GRK3: variants seen among roughly 807,000 people sequenced by gnomAD.
GRK3 encodes adrenergic, beta, receptor kinase 2.
A neutral mutation model predicts 95.7 loss-of-function variants in GRK3; 54 were observed. The ratio of observed to expected loss-of-function variants is 0.56; its 90% CI spans 0.45 to 0.71. The LOEUF (loss-of-function observed/expected upper bound fraction) is 0.71, where lower values mean the gene tolerates loss of function less well. Ranked by LOEUF, GRK3 falls within the 30% of genes least tolerant of loss-of-function variation. The probability of loss-of-function intolerance (pLI) is 0.00; values close to 1 mark genes in which losing one functional copy is unlikely to be tolerated. For synonymous variants in GRK3, 281 were observed against 290.8 expected, an observed-to-expected ratio of 0.97 and a Z score of 0.34; for missense variants, 649 against 851.2, an observed-to-expected ratio of 0.76 and a Z score of 2.96.
chr22:25,577,940 ATAT>A (rs1459096636), intron 1 of GRK3, among the ~76,000 whole-genome samples: 18 of 152,238 alleles, frequency 1.2e-4, no homozygotes, highest in Admixed American at 2.6e-4. Flanking sequence ...GTTAAGAGTA[ATAT>A]TATTTTTAGT....
chr22:25,585,117 G>C (rs1346631701), intron 1 of GRK3, among the ~76,000 whole-genome samples: 1 of 150,190 alleles, frequency 6.7e-6, no homozygotes, highest in Non-Finnish European at 1.5e-5. Context: ...TCCTGGGCTT[G>C]TAGAACAGCT....
At chr22:25,710,696 C>T (rs2085337003) in intron 16 of GRK3, among the ~76,000 whole-genome samples, 1 of 152,196 alleles carries the variant, frequency 6.6e-6, no homozygotes, top group Admixed American at 6.5e-5. Context: ...CTGCTCCCTC[C>T]AGGCCCCATT....
intron 2 of GRK3, among the ~76,000 whole-genome samples, chr22:25,610,782 A>G (rs2084490790): frequency 6.6e-6 from 1 of 152,184 alleles, no homozygotes; most frequent in African/African-American, 2.4e-5. Context: ...TCTGAAGTTA[A>G]TCCATGTCGT....
chr22:25,590,373 C>T (rs111779059), intron 1 of GRK3, among the ~76,000 whole-genome samples: 3,588 of 151,830 alleles, frequency 0.024, 48 homozygotes, highest in East Asian at 0.038. Context: ...TACATTATGC[C>T]TGATTGTTAT....
intron 3 of GRK3, among the ~76,000 whole-genome samples, chr22:25,651,832 CT>C (rs1333328147): frequency 6.6e-6 from 1 of 152,062 alleles, no homozygotes; most frequent in Non-Finnish European, 1.5e-5. Context: ...AAATAAACAA[CT>C]TTGTACATTT....
rs549465004 is a variant in GRK3 at position 25,601,974 on chromosome 22, A to C, written c.114-2403A>C. ...ACTGTCCATCAAAGAAATGTCAATA[A>C]ATTGGAACTCATCAACTAAGCACCT... On this transcript the variant is annotated intron_variant, in intron 1 of 20. Coordinates refer to ENST00000324198, the MANE Select transcript of GRK3 (RefSeq NM_005160.4). 5.3e-5 allele frequency among the ~76,000 whole-genome samples: 8 copies of C among 152,332 alleles called. 1 individual carries two copies. The South Asian group carries it at 1.4e-3, about 28-fold the overall frequency.
intron 6 of GRK3, among the ~76,000 whole-genome samples, chr22:25,669,390 G>A (rs981526703): frequency 6.6e-5 from 10 of 152,274 alleles, no homozygotes; most frequent in East Asian, 1.9e-4. Flanking sequence ...AGAGCTATGC[G>A]CCTCATTCAG....
In GRK3 at chr22:25,604,375, A is replaced by G. The variant is rs1436968028; in HGVS notation, c.114-2A>G. On this transcript the variant is annotated splice_acceptor_variant, in intron 1 of 20. Coordinates refer to ENST00000324198, the MANE Select transcript of GRK3 (RefSeq NM_005160.4). LOFTEE classifies it high-confidence loss of function. ...TAAAAATGTGTCACTCTTCCCTTCC[A>G]GTATCCGGAGTGTGATGCAGAAGTA... The G allele has an allele frequency of 6.2e-7, 1 of 1,607,388 alleles. No individual in the cohort carries two copies. The highest frequency in any genetic ancestry group is 1.1e-5 in the South Asian group (1 of 90,202).
chr22:25,581,540 G>A (rs530697366), intron 1 of GRK3, among the ~76,000 whole-genome samples: 6 of 152,248 alleles, frequency 3.9e-5, no homozygotes, highest in African/African-American at 7.2e-5. Flanking sequence ...ACAAAGATGC[G>A]GGTAGAGTTT....
intron 8 of GRK3, among the ~76,000 whole-genome samples, chr22:25,678,230 G>A (rs189364694): frequency 1.1e-4 from 17 of 152,168 alleles, no homozygotes; most frequent in Admixed American, 3.3e-4. Context: ...TGAGGTGGGC[G>A]GATCATGAGG....
chr22:25,573,916 AAACCAACCAACC>A (rs71191073), intron 1 of GRK3, among the ~76,000 whole-genome samples: 1 of 151,692 alleles, frequency 6.6e-6, no homozygotes, highest in East Asian at 1.9e-4. Context: ...AGAAACAAAA[AAACCAACCAACC>A]AACCAACCAA....
At chr22:25,719,401 T>G (rs2085413269) in intron 19 of GRK3, among the ~76,000 whole-genome samples, 1 of 152,092 alleles carries the variant, frequency 6.6e-6, no homozygotes, top group Admixed American at 6.5e-5. Flanking sequence ...TCAAATAAAA[T>G]GTCCCAGGCC....
At chr22:25,691,930 A>G (rs1831107197) in intron 12 of GRK3, among the ~76,000 whole-genome samples, 1 of 152,298 alleles carries the variant, frequency 6.6e-6, no homozygotes, top group African/African-American at 2.4e-5. Context: ...TCAGGAGGCT[A>G]CTACTTTAAA....
At chr22:25,635,029 A>G (rs924124245) in intron 2 of GRK3, among the ~76,000 whole-genome samples, 3 of 152,234 alleles carry the variant, frequency 2.0e-5, no homozygotes, top group Admixed American at 2.0e-4. Flanking sequence ...AAGCTTGTCC[A>G]ACTTGCGGCC....
intron 10 of GRK3, among the ~76,000 whole-genome samples, chr22:25,685,943 G>A (rs1275820252): frequency 1.3e-5 from 2 of 150,934 alleles, no homozygotes. Context: ...AGATCTAGCC[G>A]GGCACGGTGG....
intron 2 of GRK3, among the ~76,000 whole-genome samples, chr22:25,633,562 GTTA>G (rs752379783): frequency 9.2e-5 from 14 of 151,920 alleles, no homozygotes; most frequent in Admixed American, 8.5e-4. Flanking sequence ...TTTTTTTAAT[GTTA>G]TTATTAATTG....
chr22:25,600,711 C>T (rs545389194), intron 1 of GRK3, among the ~76,000 whole-genome samples: 16 of 152,200 alleles, frequency 1.1e-4, no homozygotes, highest in African/African-American at 3.4e-4. Flanking sequence ...GGATCCGAGG[C>T]GGGTCCTAGA....
At chr22:25,710,819 T>G (rs2085338242) in intron 16 of GRK3, among the ~76,000 whole-genome samples, 1 of 152,216 alleles carries the variant, frequency 6.6e-6, no homozygotes. Context: ...TATTTGAAAA[T>G]TATTGAAGGC....
At chr22:25,646,447 A>C (rs1385948239) in intron 3 of GRK3, among the ~76,000 whole-genome samples, 2 of 152,160 alleles carry the variant, frequency 1.3e-5, no homozygotes, top group Non-Finnish European at 2.9e-5. Flanking sequence ...AAGAGAAGGG[A>C]GAGAATAGGG....
Sources: gnomAD v4.1 joint callset for allele counts (sites outside exome capture counted in the v4.1 genomes callset) on GRCh38, gnomAD v4.1.1 for gene constraint, MANE v1.5 for transcripts, NCBI Gene and HGNC (gene_info 2026-07-23, HGNC 2026-07-21) for gene names.